Variants in RHBDD1 observed in about 807,000 individuals in gnomAD.
RHBDD1 encodes rhomboid-related protein 4.
RHBDD1 carries 38 observed loss-of-function variants against 36.3 expected under a neutral mutation model. That is an observed-to-expected ratio of 1.05 (90% CI 0.81 to 1.37). RHBDD1 has a LOEUF of 1.37. Ranked by LOEUF, RHBDD1 falls within the 40% of genes most tolerant of loss-of-function variation. RHBDD1 has a pLI of 0.00. For synonymous variants in RHBDD1, 151 were observed against 136.5 expected, an observed-to-expected ratio of 1.11 and a Z score of -0.74; for missense variants, 393 against 377.6, an observed-to-expected ratio of 1.04 and a Z score of -0.34.
chr2:226,835,284 T>G (rs949607433), upstream of RHBDD1, among the ~76,000 whole-genome samples: 1 of 152,248 alleles, frequency 6.6e-6, no homozygotes, highest in Admixed American at 6.5e-5. Context: ...CTCCTACAGC[T>G]AAACATAAAA....
intron 8 of RHBDD1, among the ~76,000 whole-genome samples, chr2:226,963,356 T>C (rs945247319): frequency 6.6e-6 from 1 of 152,182 alleles, no homozygotes; most frequent in African/African-American, 2.4e-5. Context: ...AGCATTAAGC[T>C]CCCTCTGGTC....
intron 8 of RHBDD1, among the ~76,000 whole-genome samples, chr2:226,936,205 G>T (rs1950319683): frequency 6.6e-6 from 1 of 152,160 alleles, no homozygotes; most frequent in South Asian, 2.1e-4. Context: ...TCATTTCAGT[G>T]AATAAAAGTT....
the RHBDD1 span, among the ~76,000 whole-genome samples, chr2:226,822,612 C>T: frequency 2.4e-4 from 32 of 133,752 alleles, no homozygotes; most frequent in Middle Eastern, 9.3e-3. Context: ...CCAGCTTAGG[C>T]GGCATAGTAA....
chr2:226,813,342 G>A, the RHBDD1 span, among the ~76,000 whole-genome samples: 1 of 152,202 alleles, frequency 6.6e-6, no homozygotes, highest in East Asian at 1.9e-4. Flanking sequence ...CTCTCCAGCA[G>A]TGGGAGCCAT....
At chr2:226,863,166 G>A (rs982893365) in intron 3 of RHBDD1, among the ~76,000 whole-genome samples, 9 of 151,942 alleles carry the variant, frequency 5.9e-5, no homozygotes, top group Non-Finnish European at 8.8e-5. Context: ...TGACCAACAC[G>A]GTGACACCTA....
intron 6 of RHBDD1, 77 bp downstream of exon 6, chr2:226,906,958 A>G: frequency 6.8e-7 from 1 of 1,468,582 alleles, no homozygotes; most frequent in Non-Finnish European, 9.5e-7. Flanking sequence ...AAGCAACCCC[A>G]AGTTTCCCTG....
chr2:226,817,992 T>C, the RHBDD1 span, among the ~76,000 whole-genome samples: 2 of 152,160 alleles, frequency 1.3e-5, no homozygotes, highest in African/African-American at 2.4e-5. Context: ...TTGTTAAGGT[T>C]ATACAAAGGC....
intron 3 of RHBDD1, among the ~76,000 whole-genome samples, chr2:226,855,720 A>T (rs774884556): frequency 6.6e-6 from 1 of 152,222 alleles, no homozygotes; most frequent in Non-Finnish European, 1.5e-5. Context: ...TTCTTCTGGA[A>T]TACAGTCTAA....
At chr2:226,828,306 C>T in the RHBDD1 span, among the ~76,000 whole-genome samples, 38 of 151,844 alleles carry the variant, frequency 2.5e-4, no homozygotes, top group Non-Finnish European at 5.0e-4. Flanking sequence ...AGTTTTTTTT[C>T]GTTGCTTAAT....
At chr2:226,905,606 G>A (rs1316541996) in intron 5 of RHBDD1, among the ~76,000 whole-genome samples, 2 of 152,216 alleles carry the variant, frequency 1.3e-5, no homozygotes, top group Admixed American at 6.5e-5. Context: ...TCTGCCTCAG[G>A]AGGATAACTG....
chr2:226,828,107 C>A, the RHBDD1 span, among the ~76,000 whole-genome samples: 2 of 152,160 alleles, frequency 1.3e-5, no homozygotes, highest in African/African-American at 4.8e-5. Context: ...TTTTCTCATG[C>A]TAATTTAGAG....
intron 8 of RHBDD1, among the ~76,000 whole-genome samples, chr2:226,922,010 G>T (rs1056164023): frequency 1.3e-5 from 2 of 151,712 alleles, no homozygotes. Flanking sequence ...ATATATCTGG[G>T]TGCTCCCGTG....
At chr2:226,808,916 T>C in the RHBDD1 span, among the ~76,000 whole-genome samples, 5 of 151,868 alleles carry the variant, frequency 3.3e-5, no homozygotes, top group African/African-American at 1.2e-4. Flanking sequence ...CAGATTGAAA[T>C]ACTGTGGCTG....
chr2:226,910,894 T>A (rs1948471600), intron 7 of RHBDD1, among the ~76,000 whole-genome samples: 1 of 152,100 alleles, frequency 6.6e-6, no homozygotes, highest in Non-Finnish European at 1.5e-5. Context: ...GATCTATGAT[T>A]GACGATATAG....
chr2:226,936,703 C>G (rs772292761), intron 8 of RHBDD1, among the ~76,000 whole-genome samples: 3 of 152,110 alleles, frequency 2.0e-5, no homozygotes, highest in Non-Finnish European at 2.9e-5. Flanking sequence ...TGATGTTGCT[C>G]AGTACCGTCA....
chr2:226,942,693 T>C (rs942362869), intron 8 of RHBDD1: 6 of 155,514 alleles, frequency 3.9e-5, no homozygotes, highest in African/African-American at 1.4e-4. Flanking sequence ...TATGTTTAGC[T>C]AAGTTTTTTT....
chr2:226,952,020 C>T (rs777335082), intron 8 of RHBDD1, among the ~76,000 whole-genome samples: 1 of 152,172 alleles, frequency 6.6e-6, no homozygotes, highest in Non-Finnish European at 1.5e-5. Flanking sequence ...TGTACAGTTG[C>T]CAGTGCTCTG....
chr2:226,902,401 C>A (rs76880120), intron 5 of RHBDD1, among the ~76,000 whole-genome samples: 2 of 152,178 alleles, frequency 1.3e-5, no homozygotes, highest in Non-Finnish European at 2.9e-5. Context: ...GTGCCCTAAC[C>A]CTAGGACTGG....
intron 5 of RHBDD1, among the ~76,000 whole-genome samples, chr2:226,870,975 G>A (rs972547186): frequency 1.1e-4 from 16 of 152,102 alleles, no homozygotes; most frequent in Admixed American, 9.2e-4. Context: ...AACCCATGTT[G>A]TTCAAGGATC....
Sources: gnomAD v4.1 joint callset for allele counts (sites outside exome capture counted in the v4.1 genomes callset) on GRCh38, gnomAD v4.1.1 for gene constraint, MANE v1.5 for transcripts, NCBI Gene and HGNC (gene_info 2026-07-23, HGNC 2026-07-21) for gene names.